TCF7L2: variants seen among roughly 807,000 people sequenced by gnomAD.
The protein encoded by TCF7L2 is transcription factor 7 like 2.
Under a neutral mutation model 77.9 loss-of-function variants are expected in TCF7L2, and 23 were observed. The observed-to-expected ratio is 0.30, with a 90% CI of 0.21 to 0.42. The LOEUF is 0.42. Among genes scored for constraint, TCF7L2 ranks in the 10% least tolerant of loss-of-function variants. The probability of loss-of-function intolerance (pLI) is 1.00; values close to 1 mark genes in which losing one functional copy is unlikely to be tolerated. For missense variants in TCF7L2, 654 were observed against 793.1 expected, an observed-to-expected ratio of 0.82 and a Z score of 2.11; for synonymous variants, 413 against 340.2, an observed-to-expected ratio of 1.21 and a Z score of -2.36.
intron 4 of TCF7L2, among the ~76,000 whole-genome samples, chr10:113,021,222 G>T (rs1044262787): frequency 6.6e-6 from 1 of 152,206 alleles, no homozygotes. Flanking sequence ...TTCCAGCTCA[G>T]TTTCCTGAAA....
chr10:113,158,812 C>A (rs2072493947), intron 12 of TCF7L2, 95 bp downstream of exon 13: 4 of 1,238,516 alleles, frequency 3.2e-6, no homozygotes, highest in Admixed American at 2.4e-5. Flanking sequence ...ACACGTATGA[C>A]ATTTGAACAT....
intron 5 of TCF7L2, among the ~76,000 whole-genome samples, chr10:113,083,451 G>A (rs555787719): frequency 2.0e-5 from 3 of 152,230 alleles, no homozygotes; most frequent in East Asian, 1.9e-4. Flanking sequence ...TTGTCTTTAC[G>A]ATAAAAATGG....
At chr10:113,130,207 AG>A (rs770260665) in intron 5 of TCF7L2, among the ~76,000 whole-genome samples, 29 of 152,208 alleles carry the variant, frequency 1.9e-4, no homozygotes, top group Non-Finnish European at 3.8e-4. Flanking sequence ...GGTTAAAAAA[AG>A]ATGGGGAGGA....
At position 112,995,632 on chromosome 10, in the gene TCF7L2, A is replaced by G. The variant is rs574991001; in HGVS notation, c.450+31008A>G. 3.1e-4 allele frequency among the ~76,000 whole-genome samples: 47 copies of G among 152,158 alleles called. 1 individual carries two copies. The highest frequency in any genetic ancestry group is 1.7e-3 in the South Asian group (8 of 4,816). On this transcript the variant is annotated intron_variant, in intron 4 of 13. Transcript: ENST00000627217. Reference sequence around the variant, plus strand: ...GACCTTTCACCTGGGCTATTCTGTGACTCAAATTATCTTCTCCTAAGCCCA... The same window carrying G: ...GACCTTTCACCTGGGCTATTCTGTGGCTCAAATTATCTTCTCCTAAGCCCA...
chr10:113,101,530 G>A (rs2061634029), intron 5 of TCF7L2, among the ~76,000 whole-genome samples: 1 of 151,840 alleles, frequency 6.6e-6, no homozygotes, highest in Admixed American at 6.6e-5. Flanking sequence ...GTGGCAGAAC[G>A]AAACCTTGCC....
intron 4 of TCF7L2, among the ~76,000 whole-genome samples, chr10:112,978,831 A>G (rs2039943656): frequency 6.6e-6 from 1 of 151,902 alleles, no homozygotes. Context: ...TTTAAAATAT[A>G]CATATATATT....
intron 5 of TCF7L2, among the ~76,000 whole-genome samples, chr10:113,073,085 G>A (rs147068141): frequency 1.5e-5 from 2 of 136,834 alleles, no homozygotes; most frequent in Admixed American, 1.5e-4. Flanking sequence ...TGTGTACCTA[G>A]GGCAGGGCCA....
intron 5 of TCF7L2, among the ~76,000 whole-genome samples, chr10:113,085,419 T>A (rs1227784740): frequency 6.6e-6 from 1 of 152,014 alleles, no homozygotes; most frequent in African/African-American, 2.4e-5. Context: ...GGCCTTTGTA[T>A]TTTTAGGGGT....
intron 4 of TCF7L2, among the ~76,000 whole-genome samples, chr10:112,995,633 C>T (rs894992060): frequency 6.6e-6 from 1 of 152,166 alleles, no homozygotes; most frequent in Non-Finnish European, 1.5e-5. Flanking sequence ...TATTCTGTGA[C>T]TCAAATTATC....
Position 112,980,457 on chromosome 10 carries a change from A to G in TCF7L2, c.450+15833A>G, listed in dbSNP as rs376893963. Among the ~76,000 whole-genome samples, 3 of 152,184 alleles carry G rather than the reference A, an allele frequency of 2.0e-5. No homozygotes were observed. The East Asian group carries it at 5.8e-4, about 29-fold the overall frequency. ...AATGAAATGGTGAGTTATCTAGATA[A>G]GGGCTTGATTGATTTATGAAATGTA... is the stretch of plus-strand genomic sequence containing the variant. On this transcript the variant is annotated intron_variant, in intron 4 of 13. Transcript: ENST00000627217.
chr10:113,111,286 AT>A (rs1455723391), intron 5 of TCF7L2, among the ~76,000 whole-genome samples: 3 of 152,136 alleles, frequency 2.0e-5, no homozygotes, highest in African/African-American at 7.2e-5. Context: ...TCTCTAGATT[AT>A]TAATTCCCTG....
chr10:113,036,120 AT>A (rs1371904488), intron 4 of TCF7L2, among the ~76,000 whole-genome samples: 26 of 35,708 alleles, frequency 7.3e-4, no homozygotes, highest in Admixed American at 1.0e-3. Context: ...CATCACCATC[AT>A]CATCATCATC....
chr10:112,961,808 C>A (rs548505160), intron 3 of TCF7L2, among the ~76,000 whole-genome samples: 1 of 100,006 alleles, frequency 1.0e-5, no homozygotes, highest in South Asian at 4.0e-4. Context: ...TCGCTGGGCA[C>A]GTGAGGGAAG....
intron 12 of TCF7L2, among the ~76,000 whole-genome samples, chr10:113,159,413 G>A (rs115350889): frequency 0.015 from 2,282 of 151,256 alleles, 55 homozygotes; most frequent in African/African-American, 0.052. Context: ...ATTTTGTTTC[G>A]TTTTGTTCTG....
At chr10:113,097,182 G>A (rs1032074449) in intron 5 of TCF7L2, among the ~76,000 whole-genome samples, 2 of 152,172 alleles carry the variant, frequency 1.3e-5, no homozygotes, top group African/African-American at 4.8e-5. Context: ...AATATTTGTG[G>A]TAAGCCTTGT....
intron 4 of TCF7L2, among the ~76,000 whole-genome samples, chr10:113,027,381 G>A (rs2049368175): frequency 6.6e-6 from 1 of 152,162 alleles, no homozygotes; most frequent in Non-Finnish European, 1.5e-5. Context: ...ATGTGTCAGA[G>A]AGGGTGCCTG....
intron 5 of TCF7L2, among the ~76,000 whole-genome samples, chr10:113,123,087 C>T (rs1170327907): frequency 6.6e-6 from 1 of 152,170 alleles, no homozygotes. Context: ...CTTTATGTGG[C>T]TGTGCTAGAC....
At chr10:113,133,979 A>G (rs796164431) in intron 5 of TCF7L2, among the ~76,000 whole-genome samples, 1 of 152,324 alleles carries the variant, frequency 6.6e-6, no homozygotes, top group East Asian at 1.9e-4. Context: ...GCTTTTCTGC[A>G]TCTCACAGGC....
chr10:113,053,671 C>G (rs1012030383), intron 5 of TCF7L2, among the ~76,000 whole-genome samples: 2 of 152,166 alleles, frequency 1.3e-5, no homozygotes, highest in Admixed American at 6.5e-5. Context: ...TCATTTTGAT[C>G]GTTACAGAAC....
Sources: gnomAD v4.1 joint callset for allele counts (sites outside exome capture counted in the v4.1 genomes callset) on GRCh38, gnomAD v4.1.1 for gene constraint, MANE v1.5 for transcripts, NCBI Gene and HGNC (gene_info 2026-07-23, HGNC 2026-07-21) for gene names.